Variants in RELB observed in about 807,000 individuals in gnomAD.
RELB encodes transcription factor RelB.
Under a neutral mutation model 55.4 loss-of-function variants are expected in RELB, and 14 were observed. The ratio of observed to expected loss-of-function variants is 0.25; its 90% CI spans 0.17 to 0.40. The LOEUF is 0.40. RELB is among the 10% of genes least tolerant of loss of function. RELB has a pLI of 1.00. For synonymous variants in RELB, 409 were observed against 371.3 expected (o/e 1.10, Z -1.17); for missense variants, 669 against 830.7 (o/e 0.81, Z 2.39).
chr19:45,012,154 G>A lies in RELB; in HGVS notation c.382G>A (p.Val128Ile), dbSNP rs1971369487. 1.3e-6 allele frequency: 2 copies of A among 1,563,960 alleles called. No homozygotes were observed. Among genetic ancestry groups the A allele is most frequent in the East Asian group, 2.5e-5 (1 of 40,302 alleles). ...APGPGPQPHL[V>I]ITEQPKQRGM... ...GGGCCCGGGCCCGCAGCCGCACCTG[G>A]TCATCACGGAGCAGCCCAAGCAGCG... Residue 128 changes from valine (V) to isoleucine (I), a missense_variant, in exon 4 of 12, where the codon GTC (valine) becomes ATC (isoleucine). Physicochemically the swap from Val to Ile is conservative, Grantham distance 29. This residue lies in a region of RELB where 323 missense variants were observed against 368.5 expected (regional missense o/e 0.88). Transcript: ENST00000221452.
At chr19:45,022,556 T>C (rs1456674115) in intron 5 of RELB, among the ~76,000 whole-genome samples, 4 of 151,598 alleles carry the variant, frequency 2.6e-5, no homozygotes, top group Admixed American at 2.6e-4. Context: ...TCTTTTTTTT[T>C]TTTTTTTTGG....
At position 45,034,252 on chromosome 19, in the gene RELB, G is replaced by C. The variant is rs770432794; in HGVS notation, c.1216G>C (p.Gly406Arg). ...TGGTATCTCCTTAACAGACAGCTAC[G>C]GCGTGGACAAGAAGCGGAAACGGGG... ...TYLPRDHDSY[G>R]VDKKRKRGMP... Residue 406 changes from glycine to arginine, a missense_variant, in exon 10 of 12, where the codon GGC becomes CGC. Gly to Arg is a moderately radical substitution (Grantham distance 125). Coordinates refer to ENST00000221452, the MANE Select transcript of RELB (RefSeq NM_006509.4). 1 of 1,613,682 alleles carries C rather than the reference G, an allele frequency of 6.2e-7. No individual in the cohort carries two copies. The highest frequency in any genetic ancestry group is 2.2e-5 in the East Asian group (1 of 44,884).
intron 8 of RELB, among the ~76,000 whole-genome samples, chr19:45,030,537 C>A (rs1001714492): frequency 2.0e-5 from 3 of 151,946 alleles, no homozygotes; most frequent in African/African-American, 7.3e-5. Context: ...GAGGCTGAGG[C>A]ACGAGAATCA....
chr19:45,007,955 G>A (rs1263665290), intron 2 of RELB, among the ~76,000 whole-genome samples: 1 of 133,076 alleles, frequency 7.5e-6, no homozygotes, highest in Non-Finnish European at 1.5e-5. Context: ...AGGAGATCGA[G>A]ACTAGCCTGA....
At chr19:45,026,878 C>CT (rs1169090371) in intron 7 of RELB, among the ~76,000 whole-genome samples, 4 of 152,156 alleles carry the variant, frequency 2.6e-5, no homozygotes, top group Non-Finnish European at 4.4e-5. Context: ...ATAGTGACTG[C>CT]TGTAAGCATC....
intron 11 of RELB, among the ~76,000 whole-genome samples, chr19:45,034,749 T>A (rs1440386339): frequency 2.0e-5 from 3 of 152,202 alleles, no homozygotes; most frequent in Non-Finnish European, 2.9e-5. Flanking sequence ...TTCATTAAGT[T>A]GTTCTACCTC....
At chr19:45,004,959 G>A (rs1488326449) in intron 2 of RELB, among the ~76,000 whole-genome samples, 2 of 151,960 alleles carry the variant, frequency 1.3e-5, no homozygotes, top group Non-Finnish European at 2.9e-5. Context: ...CACAAGGTCA[G>A]GAGTTCAAGA....
intron 7 of RELB, among the ~76,000 whole-genome samples, chr19:45,028,238 TCTTGAA>T (rs1971580776): frequency 6.6e-6 from 1 of 151,944 alleles, no homozygotes; most frequent in African/African-American, 2.4e-5. Flanking sequence ...CCCAGGCTGG[TCTTGAA>T]CTTCTGGCCT....
At position 45,024,929 on chromosome 19, in the gene RELB, G is replaced by A. The variant is rs34472086; in HGVS notation, c.663-400G>A. On this transcript the variant is annotated intron_variant, in intron 5 of 11. Coordinates refer to ENST00000221452, the MANE Select transcript of RELB (RefSeq NM_006509.4). ...GGCTGGAGTGCAGTGGCACAATCTCGGCTCACTGCAACCTCTGCCTCCCGG... is the reference window on the plus strand; with the variant it reads ...GGCTGGAGTGCAGTGGCACAATCTCAGCTCACTGCAACCTCTGCCTCCCGG... Among the ~76,000 whole-genome samples the A allele has an allele frequency of 6.4e-3, 962 of 149,262 alleles. 11 individuals are homozygous for A. Among genetic ancestry groups the A allele is most frequent in the African/African-American group, 0.023 (925 of 40,454 alleles).
chr19:45,004,713 C>T (rs992615808), intron 2 of RELB, among the ~76,000 whole-genome samples: 1 of 151,370 alleles, frequency 6.6e-6, no homozygotes, highest in Admixed American at 6.6e-5. Context: ...ACTAAAAATA[C>T]AAAATTAGCT....
At chr19:45,026,468 T>A (rs1032344541) in intron 7 of RELB, among the ~76,000 whole-genome samples, 1 of 149,422 alleles carries the variant, frequency 6.7e-6, no homozygotes, top group Non-Finnish European at 1.5e-5. Context: ...CCCTGCTACC[T>A]GGGAGGCGGA....
intron 4 of RELB, among the ~76,000 whole-genome samples, chr19:45,017,663 CTTTT>C (rs773366193): frequency 7.4e-6 from 1 of 135,390 alleles, no homozygotes; most frequent in African/African-American, 2.7e-5. Context: ...GTTATTATTC[CTTTT>C]TTTTTTTTTT....
chr19:45,020,912 T>C (rs1661178365), intron 4 of RELB, among the ~76,000 whole-genome samples: 2 of 152,260 alleles, frequency 1.3e-5, no homozygotes, highest in Admixed American at 6.5e-5. Context: ...TGGTGGCTCA[T>C]GCCTGTCATC....
rs1478467477 is a variant in RELB, at chr19:45,011,989, C to T, written c.217C>T (p.Pro73Ser). The T allele has an allele frequency of 6.3e-7, 1 of 1,575,222 alleles. No individual in the cohort carries two copies. Among genetic ancestry groups the T allele is most frequent in the Non-Finnish European group, 8.6e-7 (1 of 1,165,082 alleles). The change falls in exon 4 of 12, where the codon CCG (proline) becomes TCG (serine). Residue 73 changes from proline (P) to serine (S), a missense_variant. Coordinates refer to ENST00000221452, the MANE Select transcript of RELB (RefSeq NM_006509.4). ...CGGCTTCGGCCTGGACGGGGGACAG[C>T]CGGGCCCGGGCGAGGGGCTGCCACG... ...ENGFGLDGGQ[P>S]GPGEGLPRLV... is the part of the protein sequence containing the mutation.
rs1249300719 is a variant in RELB at position 45,003,921 on chromosome 19, T to G, written c.154+925T>G. Among the ~76,000 whole-genome samples, 377 of 96,962 alleles carry G rather than the reference T, an allele frequency of 3.9e-3. 6 individuals are homozygous for G. The highest frequency in any genetic ancestry group is 0.02 in the African/African-American group (361 of 18,444). 63.6% of individuals were successfully genotyped at this position (96,962 alleles called of 152,430 possible). On this transcript the variant is annotated intron_variant, in intron 2 of 11. Coordinates refer to ENST00000221452, the MANE Select transcript of RELB (RefSeq NM_006509.4). Reference sequence around the variant, plus strand: ...TTTTTTGTCTGTTTTTTGTGTTTTTTTTTTTTTTTTTTTTTTTTTTGAGAC... The same window carrying G: ...TTTTTTGTCTGTTTTTTGTGTTTTTGTTTTTTTTTTTTTTTTTTTTGAGAC...
rs1293155608 is a variant in RELB at position 45,032,769 on chromosome 19, G to T, written c.1207+20G>T. The T allele has an allele frequency of 1.3e-6, 2 of 1,587,820 alleles. No homozygotes were observed. Among genetic ancestry groups the T allele is most frequent in the Admixed American group, 1.8e-5 (1 of 56,340 alleles). On this transcript the variant is annotated intron_variant, in intron 9 of 11. Coordinates refer to ENST00000221452, the MANE Select transcript of RELB (RefSeq NM_006509.4). Reference sequence around the variant, plus strand: ...ACCATGGTAACTACAGCAACCCAGGGTGACCCACCACCTCGGAGACTAGGT... The same window carrying T: ...ACCATGGTAACTACAGCAACCCAGGTTGACCCACCACCTCGGAGACTAGGT...
intron 4 of RELB, among the ~76,000 whole-genome samples, chr19:45,020,270 C>A (rs1222103543): frequency 6.6e-6 from 1 of 151,012 alleles, no homozygotes; most frequent in Non-Finnish European, 1.5e-5. Flanking sequence ...GTCACCCAGG[C>A]TGGAGTGCAG....
At chr19:45,022,672 C>T (rs1461726659) in intron 5 of RELB, among the ~76,000 whole-genome samples, 1 of 151,804 alleles carries the variant, frequency 6.6e-6, no homozygotes, top group South Asian at 2.1e-4. Context: ...CCCAGACTCC[C>T]GAGTAGCTGA....
chr19:45,010,499 G>A (rs1971337507), intron 3 of RELB, among the ~76,000 whole-genome samples: 1 of 151,586 alleles, frequency 6.6e-6, no homozygotes. Flanking sequence ...AGCCTGGGCT[G>A]AGAGCTGTGA....
Sources: gnomAD v4.1 joint callset for allele counts (sites outside exome capture counted in the v4.1 genomes callset) on GRCh38, gnomAD v4.1.1 for gene constraint, gnomAD v4.1.1 regional missense constraint, MANE v1.5 for transcripts, NCBI Gene and HGNC (gene_info 2026-07-23, HGNC 2026-07-21) for gene names.